Variants in WFDC11 observed in about 807,000 individuals in gnomAD.
The protein encoded by WFDC11 is protein WFDC11.
A neutral mutation model predicts 9.9 loss-of-function variants in WFDC11; 9 were observed. The ratio of observed to expected loss-of-function variants is 0.91; its 90% CI spans 0.55 to 1.58. WFDC11 has a LOEUF of 1.58. WFDC11 is among the 40% of genes most tolerant of loss of function. The pLI is 0.00. For missense variants in WFDC11, 106 were observed against 101.7 expected, an observed-to-expected ratio of 1.04 and a Z score of -0.18; for synonymous variants, 32 against 33.3, an observed-to-expected ratio of 0.96 and a Z score of 0.13.
intron 2 of WFDC11, among the ~76,000 whole-genome samples, chr20:45,665,736 G>A (rs186657330): frequency 2.6e-5 from 4 of 152,256 alleles, no homozygotes; most frequent in Admixed American, 2.0e-4. Context: ...TTGCCTGGGT[G>A]TCACCAGCAG....
At chr20:45,652,055 A>G (rs1982819599) in intron 2 of WFDC11, among the ~76,000 whole-genome samples, 2 of 152,226 alleles carry the variant, frequency 1.3e-5, no homozygotes. Flanking sequence ...ACAGACTTAA[A>G]TGTCCCTGTA....
chr20:45,668,780 G>A (rs1326253503), intron 1 of WFDC11, among the ~76,000 whole-genome samples: 2 of 152,006 alleles, frequency 1.3e-5, no homozygotes, highest in Non-Finnish European at 2.9e-5. Flanking sequence ...TTCATAGATT[G>A]GTAGATTACT....
chr20:45,649,328 C>G lies in WFDC11; in HGVS notation c.172G>C (p.Ala58Pro). 6.2e-7 allele frequency: 1 copy of G among 1,614,152 alleles called. No homozygotes were observed. Among genetic ancestry groups the G allele is most frequent in the Non-Finnish European group, 8.5e-7 (1 of 1,180,020 alleles). The stretch of plus-strand genomic sequence containing the variant: ...TAATTTTTGTCTTTACATCTAAAGG[C>G]TTTAGAACACTTATTGGTACATTCT... ...VKECTNKCSK[A>P]FRCKDKNYTC... Residue 58 changes from alanine to proline, a missense_variant, in exon 4 of 5, where the codon GCC (alanine) becomes CCC (proline). Physicochemically the swap from Ala to Pro is conservative, Grantham distance 27. Transcript: ENST00000324384.
intron 2 of WFDC11, among the ~76,000 whole-genome samples, chr20:45,656,683 C>T (rs1364418546): frequency 2.0e-5 from 3 of 151,956 alleles, no homozygotes; most frequent in Non-Finnish European, 4.4e-5. Flanking sequence ...TTGCAATCTA[C>T]CCATCTGACA....
At chr20:45,652,101 C>T (rs148089342) in intron 2 of WFDC11, among the ~76,000 whole-genome samples, 2,916 of 152,276 alleles carry the variant, frequency 0.019, 91 homozygotes, top group East Asian at 0.13. Context: ...TCTCCCAGCA[C>T]GCAGCTGGAG....
intron 1 of WFDC11, among the ~76,000 whole-genome samples, chr20:45,669,788 C>G (rs971980640): frequency 6.6e-6 from 1 of 151,914 alleles, no homozygotes; most frequent in African/African-American, 2.4e-5. Flanking sequence ...AAACCAACCC[C>G]AAAGCTAGTA....
In WFDC11 at chr20:45,648,573, T is replaced by A. The variant is rs1982731126; in HGVS notation, c.*146A>T. On this transcript the variant is annotated 3_prime_UTR_variant, in exon 5 of 5. Transcript: ENST00000324384. ...AAAAGGCAAGGCCACTACTGGTAAA[T>A]AAGTTTATTTGTCAAGTGTTTGCTG... is the stretch of plus-strand genomic sequence containing the variant. 3.6e-6 allele frequency: 3 copies of A among 830,792 alleles called. No homozygotes were observed. The highest frequency in any genetic ancestry group is 1.7e-5 in the African/African-American group (1 of 57,638). The allele number at this position is 830,792 out of a possible 1,614,324, so 51.5% of individuals were successfully genotyped here. A position where few individuals can be genotyped will look rare whatever the true frequency, so the allele number is the denominator to read the frequency against.
intron 2 of WFDC11, among the ~76,000 whole-genome samples, chr20:45,658,200 C>T (rs766914217): frequency 5.8e-4 from 88 of 151,894 alleles, no homozygotes; most frequent in Non-Finnish European, 1.0e-3. Flanking sequence ...GGCCTTTTTA[C>T]TTATTATTTG....
In WFDC11 at chr20:45,649,270, C is replaced by G; in HGVS notation, c.230G>C (p.Cys77Ser). The G allele has an allele frequency of 6.2e-7, 1 of 1,614,044 alleles. No individual in the cohort carries two copies. The highest frequency in any genetic ancestry group is 8.5e-7 in the Non-Finnish European group (1 of 1,179,988). Residue 77 changes from cysteine to serine, a missense_variant, in exon 4 of 5, where the codon TGC (cysteine) becomes TCC (serine). By Grantham distance (112) the Cys-to-Ser change is moderately radical (BLOSUM62 -1). Transcript: ENST00000324384. Reference protein sequence around the residue: ...TCCWTYCGNICWINVETSGDY With the variant: ...TCCWTYCGNISWINVETSGDY ...CTCCCAACTCACGACGTTTATCCAG[C>G]AGATGTTTCCACAATAGGTCCAGCA...
At chr20:45,665,965 C>A (rs1045408638) in intron 2 of WFDC11, among the ~76,000 whole-genome samples, 1 of 152,210 alleles carries the variant, frequency 6.6e-6, no homozygotes, top group Non-Finnish European at 1.5e-5. Context: ...AGCTGTCAGA[C>A]GGGGACGTTT....
chr20:45,662,425 A>G (rs537911656), intron 2 of WFDC11, among the ~76,000 whole-genome samples: 120 of 152,084 alleles, frequency 7.9e-4, no homozygotes, highest in African/African-American at 2.8e-3. Flanking sequence ...TGTCCTGCCT[A>G]ATTGCCCAGG....
chr20:45,665,969 G>C (rs1983179667), intron 2 of WFDC11, among the ~76,000 whole-genome samples: 1 of 152,214 alleles, frequency 6.6e-6, no homozygotes, highest in African/African-American at 2.4e-5. Context: ...GTCAGACGGG[G>C]ACGTTTAGGT....
At chr20:45,657,159 A>G (rs547482562) in intron 2 of WFDC11, among the ~76,000 whole-genome samples, 31 of 152,264 alleles carry the variant, frequency 2.0e-4, no homozygotes, top group African/African-American at 7.5e-4. Flanking sequence ...CACTATTCAC[A>G]ATAGCAAGGA....
intron 3 of WFDC11, among the ~76,000 whole-genome samples, 179 bp from the exon 4 acceptor site, chr20:45,649,578 A>G (rs1982757059): frequency 6.6e-6 from 1 of 152,186 alleles, no homozygotes; most frequent in Admixed American, 6.5e-5. Flanking sequence ...CTGTCATTAT[A>G]CATTCACTGA....
intron 2 of WFDC11, among the ~76,000 whole-genome samples, chr20:45,662,986 G>T (rs1159702529): frequency 6.6e-6 from 1 of 152,182 alleles, no homozygotes; most frequent in East Asian, 1.9e-4. Flanking sequence ...AATAATTTCA[G>T]AAGGAACGGT....
intron 1 of WFDC11, among the ~76,000 whole-genome samples, chr20:45,669,085 G>A (rs1336412709): frequency 6.6e-6 from 1 of 152,102 alleles, no homozygotes; most frequent in Non-Finnish European, 1.5e-5. Context: ...CAGATGGTAG[G>A]TCGGAGGAGC....
intron 2 of WFDC11, among the ~76,000 whole-genome samples, chr20:45,664,217 G>T (rs1320059237): frequency 4.6e-5 from 7 of 152,166 alleles, no homozygotes; most frequent in South Asian, 2.1e-4. Context: ...TTTAAAGTCT[G>T]TTTTATCAGA....
At chr20:45,667,683 C>T (rs916467659) in intron 1 of WFDC11, among the ~76,000 whole-genome samples, 1 of 152,182 alleles carries the variant, frequency 6.6e-6, no homozygotes, top group Non-Finnish European at 1.5e-5. Flanking sequence ...TCAAATCCTA[C>T]ATCCCACTTA....
intron 2 of WFDC11, among the ~76,000 whole-genome samples, chr20:45,653,481 C>T (rs1005378493): frequency 8.6e-5 from 13 of 151,902 alleles, no homozygotes; most frequent in Admixed American, 6.6e-5. Context: ...AAAAACATGC[C>T]AAATTGTAAA....
Sources: gnomAD v4.1 joint callset for allele counts (sites outside exome capture counted in the v4.1 genomes callset) on GRCh38, gnomAD v4.1.1 for gene constraint, MANE v1.5 for transcripts, NCBI Gene and HGNC (gene_info 2026-07-23, HGNC 2026-07-21) for gene names.